ANXA1: variants seen among roughly 807,000 people sequenced by gnomAD.
The protein encoded by ANXA1 is annexin I (lipocortin I).
A neutral mutation model predicts 47.9 loss-of-function variants in ANXA1; 39 were observed. That is an observed-to-expected ratio of 0.81 (90% confidence interval 0.63 to 1.06). The LOEUF (loss-of-function observed/expected upper bound fraction) is 1.06. Among genes scored for constraint, ANXA1 ranks in the 50% least tolerant of loss-of-function variants. The pLI, the probability that ANXA1 is intolerant of heterozygous loss-of-function variation, is 0.00. For missense variants in ANXA1, 446 were observed against 422.7 expected (o/e 1.06, Z -0.48); for synonymous variants, 146 against 142.5 (o/e 1.02, Z -0.17).
chr9:73,154,413 T>C lies in ANXA1; in HGVS notation c.-15+2489T>C, dbSNP rs546055668. The C allele has an allele frequency of 2.0e-5, 25 of 1,253,650 alleles. No homozygotes were observed. In the East Asian group the frequency reaches 1.1e-3, roughly 55 times the overall value. The allele number at this position is 1,253,650 out of a possible 1,614,324, so 77.7% of individuals were successfully genotyped here. A position where few individuals can be genotyped will look rare whatever the true frequency, so the allele number is the denominator to read the frequency against. ...ACTAATTCCCTCCCTCCCTTCTCTTTCTTTTCTTTTTTCTTTTCTTTTCTT... is the reference window on the plus strand; with the variant it reads ...ACTAATTCCCTCCCTCCCTTCTCTTCCTTTTCTTTTTTCTTTTCTTTTCTT... On this transcript the variant is annotated intron_variant, in intron 1 of 12. Transcript: ENST00000257497.
chr9:73,157,187 A>T (rs184343735), intron 1 of ANXA1, among the ~76,000 whole-genome samples: 18 of 152,300 alleles, frequency 1.2e-4, no homozygotes, highest in Non-Finnish European at 2.4e-4. Flanking sequence ...GACAGCTCAA[A>T]TAGGAAGAAA....
At chr9:73,157,858 A>C (rs1299012971) in intron 1 of ANXA1, 3 of 152,180 alleles carry the variant, frequency 2.0e-5, no homozygotes, top group South Asian at 2.1e-4. Context: ...CTGCTTTAAA[A>C]AAACAAACAA....
rs1032094617 is a variant in ANXA1, at chr9:73,166,254, A to G, written c.802+62A>G. ...GAAATTGTATTTTCAAAGCTATCCTATACTTAACAAGAACAACAGCAACAA... is the reference window on the plus strand; with the variant it reads ...GAAATTGTATTTTCAAAGCTATCCTGTACTTAACAAGAACAACAGCAACAA... On this transcript the variant is annotated intron_variant, in intron 10 of 12. Coordinates refer to ENST00000257497, the MANE Select transcript of ANXA1 (RefSeq NM_000700.3). 5.0e-6 allele frequency: 6 copies of G among 1,195,822 alleles called. No homozygotes were observed. In the African/African-American group the frequency reaches 6.2e-5, roughly 12 times the overall value. 74.1% of individuals were successfully genotyped at this position (1,195,822 alleles called of 1,614,324 possible).
Position 73,163,500 on chromosome 9 carries a change from G to T in ANXA1, c.580G>T (p.Val194Leu). 2 of 1,612,968 alleles carry T rather than the reference G, an allele frequency of 1.2e-6. No individual in the cohort carries two copies. Among genetic ancestry groups the T allele is most frequent in the Non-Finnish European group, 1.7e-6 (2 of 1,179,208 alleles). Residue 194 changes from valine (V) to leucine (L), a missense_variant, in exon 8 of 13, where the codon GTG becomes TTG. Coordinates refer to ENST00000257497, the MANE Select transcript of ANXA1 (RefSeq NM_000700.3). The part of the protein sequence containing the change: ...AKGDRSEDFG[V>L]NEDLADSDAR... ...GGGTGACCGATCTGAGGACTTTGGT[G>T]TGAATGAAGACTTGGCTGATTCAGA...
intron 8 of ANXA1, among the ~76,000 whole-genome samples, chr9:73,164,174 A>G (rs1824189428): frequency 6.6e-6 from 1 of 152,162 alleles, no homozygotes; most frequent in African/African-American, 2.4e-5. Context: ...AGTATTCTCT[A>G]GAGAATTCAT....
intron 10 of ANXA1, among the ~76,000 whole-genome samples, chr9:73,166,439 A>G (rs1824231032): frequency 1.3e-5 from 2 of 152,126 alleles, no homozygotes; most frequent in Admixed American, 6.6e-5. Context: ...GCACCTACTT[A>G]TATCAAACAA....
intron 1 of ANXA1, chr9:73,154,236 GA>G: frequency 2.5e-6 from 3 of 1,203,648 alleles, no homozygotes; most frequent in Non-Finnish European, 3.4e-6. Context: ...CATATTCGAG[GA>G]AAAACTATGC....
chr9:73,167,379 A>C, intron 10 of ANXA1, 118 bp from the exon 11 acceptor site: 1 of 829,620 alleles, frequency 1.2e-6, no homozygotes, highest in Non-Finnish European at 2.0e-6. Flanking sequence ...TGAGAGGTGA[A>C]GAATGATGAT....
At chr9:73,163,388 AT>A in intron 7 of ANXA1, 87 bp from the exon 8 acceptor site, 1 of 1,326,734 alleles carries the variant, frequency 7.5e-7, no homozygotes. Context: ...TTCTCAAAAA[AT>A]ATTATTTATC....
intron 12 of ANXA1, 69 bp from the exon 13 acceptor site, chr9:73,169,982 T>A: frequency 8.4e-7 from 1 of 1,191,696 alleles, no homozygotes; most frequent in Non-Finnish European, 1.2e-6. Context: ...ATAATTCTTC[T>A]ATAAGTAAAA....
chr9:73,158,554 T>C lies in ANXA1; in HGVS notation c.19T>C (p.Phe7Leu). 1 of 1,613,766 alleles carries C rather than the reference T, an allele frequency of 6.2e-7. No individual in the cohort carries two copies. Among genetic ancestry groups the C allele is most frequent in the East Asian group, 2.2e-5 (1 of 44,854 alleles). Reference protein sequence around the residue: MAMVSEFLKQAWFIENE... With the variant: MAMVSELLKQAWFIENE... ...TTCAAAAATGGCAATGGTATCAGAA[T>C]TCCTCAAGCAGGCCTGGTTTATTGA... is the stretch of plus-strand genomic sequence containing the variant. The change falls in exon 2 of 13, where the codon TTC (phenylalanine) becomes CTC (leucine). Residue 7 changes from phenylalanine to leucine, a missense_variant. By Grantham distance (22) the Phe-to-Leu change is conservative (BLOSUM62 0). Coordinates refer to ENST00000257497, the MANE Select transcript of ANXA1 (RefSeq NM_000700.3).
chr9:73,167,371 A>AGAG, intron 10 of ANXA1, 126 bp from the exon 11 acceptor site: 1 of 750,636 alleles, frequency 1.3e-6, no homozygotes, highest in Non-Finnish European at 2.3e-6. Flanking sequence ...TTGGGAGATG[A>AGAG]GAGGTGAAGA....
chr9:73,156,752 GA>G (rs772018258), intron 1 of ANXA1, among the ~76,000 whole-genome samples: 1 of 152,140 alleles, frequency 6.6e-6, no homozygotes, highest in South Asian at 2.1e-4. Flanking sequence ...TTCATATCAA[GA>G]ATTTAAAACT....
rs1408956420 is a variant in ANXA1, at chr9:73,155,641, T to G, written c.-14-2881T>G. 2.6e-5 allele frequency among the ~76,000 whole-genome samples: 4 copies of G among 152,182 alleles called. No individual in the cohort carries two copies. In the East Asian group the frequency reaches 7.7e-4, roughly 29 times the overall value. On this transcript the variant is annotated intron_variant, in intron 1 of 12. Transcript: ENST00000257497. ...ATATCCTGCCTTGATGCTCCTGTCT[T>G]TAATCTTTGCTAAGAGCTGGTGGTG...
intron 8 of ANXA1, 61 bp from the exon 9 acceptor site, chr9:73,165,055 A>G (rs1824203820): frequency 4.4e-6 from 6 of 1,353,692 alleles, no homozygotes; most frequent in East Asian, 2.3e-5. Context: ...AAGGTCTAAC[A>G]TTATTGTGCA....
intron 1 of ANXA1, among the ~76,000 whole-genome samples, chr9:73,155,400 G>A (rs1824031644): frequency 6.6e-6 from 1 of 152,164 alleles, no homozygotes; most frequent in African/African-American, 2.4e-5. Context: ...AACCTTTCAT[G>A]AACTCATTGG....
intron 12 of ANXA1, 63 bp from the exon 13 acceptor site, chr9:73,169,988 T>C: frequency 8.3e-7 from 1 of 1,211,056 alleles, no homozygotes; most frequent in Non-Finnish European, 1.2e-6. Flanking sequence ...CTTCTATAAG[T>C]AAAAAAAAAT....
intron 1 of ANXA1, among the ~76,000 whole-genome samples, chr9:73,153,652 ATTTTATAT>A (rs1824004151): frequency 6.6e-6 from 1 of 152,210 alleles, no homozygotes; most frequent in African/African-American, 2.4e-5. Flanking sequence ...TTCAATTTGT[ATTTTATAT>A]CCTATAGTTG....
In ANXA1 at chr9:73,159,417, A is replaced by C; in HGVS notation, c.264A>C (p.Thr88=). ...QQIKAAYLQE[T]GKPLDETLKK... Reference sequence around the variant, plus strand: ...TCAAAGCAGCATATCTCCAGGAAACAGGAAAGGTAAGTTAGAGTGGTAAAT... The same window carrying C: ...TCAAAGCAGCATATCTCCAGGAAACCGGAAAGGTAAGTTAGAGTGGTAAAT... Residue 88 remains threonine, a synonymous_variant, in exon 4 of 13, where the codon ACA becomes ACC. Transcript: ENST00000257497. 6.2e-7 allele frequency: 1 copy of C among 1,612,290 alleles called. No individual in the cohort carries two copies.
Sources: allele counts gnomAD v4.1 joint callset (sites outside exome capture counted in the v4.1 genomes callset), GRCh38; gene constraint gnomAD v4.1.1; transcripts MANE v1.5; gene names NCBI Gene and HGNC (gene_info 2026-07-23, HGNC 2026-07-21).